Variants in ARHGAP15 observed in about 807,000 individuals in gnomAD.
ARHGAP15 encodes the protein Rho GTPase activating protein 15, also known as rho GTPase-activating protein 15.
In ARHGAP15, 51 loss-of-function variants were observed where a neutral mutation model predicts 63.7. The ratio of observed to expected loss-of-function variants is 0.80; its 90% CI spans 0.64 to 1.01. The LOEUF (loss-of-function observed/expected upper bound fraction) is 1.01, where lower values mean the gene tolerates loss of function less well. ARHGAP15 is among the 50% of genes least tolerant of loss of function. The pLI, the probability that ARHGAP15 is intolerant of heterozygous loss-of-function variation, is 0.00. For missense variants in ARHGAP15, 560 were observed against 564.6 expected (o/e 0.99, Z 0.08); for synonymous variants, 191 against 193.8 (o/e 0.99, Z 0.12).
At chr2:143,173,748 T>A (rs1242696013) in intron 2 of ARHGAP15, among the ~76,000 whole-genome samples, 1 of 152,118 alleles carries the variant, frequency 6.6e-6, no homozygotes, top group African/African-American at 2.4e-5. Context: ...ATATTATATC[T>A]TTGGTAGATT....
chr2:143,542,894 C>T (rs1574610203), intron 10 of ARHGAP15, among the ~76,000 whole-genome samples: 2 of 143,550 alleles, frequency 1.4e-5, no homozygotes, highest in East Asian at 4.0e-4. Context: ...TAATGTATAT[C>T]ATATATAATA....
At chr2:143,355,559 A>T (rs1316219108) in intron 6 of ARHGAP15, among the ~76,000 whole-genome samples, 2 of 152,196 alleles carry the variant, frequency 1.3e-5, no homozygotes, top group Non-Finnish European at 2.9e-5. Context: ...AGTTAATTAC[A>T]GTTAGCCTAA....
intron 6 of ARHGAP15, among the ~76,000 whole-genome samples, chr2:143,307,420 A>G (rs1385169098): frequency 2.6e-5 from 4 of 152,094 alleles, no homozygotes; most frequent in Non-Finnish European, 4.4e-5. Context: ...CCTCCAAACT[A>G]TTTCAACTAA....
intron 6 of ARHGAP15, among the ~76,000 whole-genome samples, chr2:143,389,160 T>C (rs895119640): frequency 6.6e-6 from 1 of 151,074 alleles, no homozygotes; most frequent in African/African-American, 2.4e-5. Context: ...ATTTTACAAA[T>C]TGTATTTAGT....
intron 11 of ARHGAP15, among the ~76,000 whole-genome samples, chr2:143,581,277 C>G (rs937541049): frequency 1.3e-5 from 2 of 151,928 alleles, no homozygotes; most frequent in Non-Finnish European, 2.9e-5. Flanking sequence ...TTACAGAGAA[C>G]TGGGCTCATT....
chr2:143,155,727 A>G, intron 2 of ARHGAP15, 72 bp downstream of exon 2: 2 of 1,429,636 alleles, frequency 1.4e-6, no homozygotes, highest in Non-Finnish European at 1.9e-6. Flanking sequence ...AAAAAAGCTA[A>G]TTAGTCTTGT....
At chr2:143,340,538 T>TA (rs1553466456) in intron 6 of ARHGAP15, among the ~76,000 whole-genome samples, 10 of 151,746 alleles carry the variant, frequency 6.6e-5, no homozygotes, top group Admixed American at 3.3e-4. Context: ...TTTTTTTTTT[T>TA]AATAAATTTT....
rs944743775 is a variant in ARHGAP15, at chr2:143,556,317, A to G, written c.926-91A>G. 4 of 958,434 alleles carry G rather than the reference A, an allele frequency of 4.2e-6. No homozygotes were observed. The African/African-American group carries it at 5.0e-5, about 12-fold the overall frequency. 59.4% of individuals were successfully genotyped at this position (958,434 alleles called of 1,614,324 possible). A position where few individuals can be genotyped will look rare whatever the true frequency, so the allele number is the denominator to read the frequency against. On this transcript the variant is annotated intron_variant, in intron 10 of 13. Transcript: ENST00000295095. ...AATTGGTTTTATCTGAGAAGAATAG[A>G]TATTTGATTTACTCCTTCTTTTCAT...
intron 1 of ARHGAP15, among the ~76,000 whole-genome samples, chr2:143,132,320 A>G (rs1688945083): frequency 6.6e-6 from 1 of 152,210 alleles, no homozygotes. Context: ...TAAGGATAGC[A>G]AAGTCAGGAA....
chr2:143,361,713 A>C (rs1686064252), intron 6 of ARHGAP15, among the ~76,000 whole-genome samples: 1 of 152,096 alleles, frequency 6.6e-6, no homozygotes, highest in African/African-American at 2.4e-5. Flanking sequence ...CCTCTTCTTT[A>C]GTTCAGGTTC....
At chr2:143,533,703 C>A (rs1006769625) in intron 10 of ARHGAP15, among the ~76,000 whole-genome samples, 1 of 152,102 alleles carries the variant, frequency 6.6e-6, no homozygotes, top group Non-Finnish European at 1.5e-5. Context: ...AGCTTGGTAC[C>A]CTCCTCCTCT....
At chr2:143,747,347 G>C (rs975575217) in intron 13 of ARHGAP15, among the ~76,000 whole-genome samples, 1 of 152,028 alleles carries the variant, frequency 6.6e-6, no homozygotes, top group Non-Finnish European at 1.5e-5. Flanking sequence ...TGTTGGTGTG[G>C]TATATTTGTT....
chr2:143,335,636 G>A (rs1684739408), intron 6 of ARHGAP15, among the ~76,000 whole-genome samples: 2 of 152,182 alleles, frequency 1.3e-5, no homozygotes. Flanking sequence ...AATAACCCAG[G>A]AAGGAAGGGC....
chr2:143,242,738 T>C (rs1693911402), intron 5 of ARHGAP15, among the ~76,000 whole-genome samples: 1 of 152,198 alleles, frequency 6.6e-6, no homozygotes, highest in Admixed American at 6.5e-5. Context: ...GTATCCTCTT[T>C]TATGTTGACA....
At chr2:143,191,873 C>A (rs954139394) in intron 2 of ARHGAP15, among the ~76,000 whole-genome samples, 1 of 152,136 alleles carries the variant, frequency 6.6e-6, no homozygotes, top group African/African-American at 2.4e-5. Flanking sequence ...AATGAAGGAC[C>A]CATCTTTTAT....
intron 13 of ARHGAP15, among the ~76,000 whole-genome samples, chr2:143,736,126 C>T (rs1685734978): frequency 6.6e-6 from 1 of 152,072 alleles, no homozygotes; most frequent in South Asian, 2.1e-4. Context: ...CGTCTGTAAT[C>T]CTAGCACTTT....
At chr2:143,459,769 C>A (rs1690837832) in intron 8 of ARHGAP15, among the ~76,000 whole-genome samples, 1 of 152,282 alleles carries the variant, frequency 6.6e-6, no homozygotes, top group East Asian at 1.9e-4. Context: ...ACCTGTCCAA[C>A]AGTGGGCCTT....
chr2:143,755,277 G>T lies in ARHGAP15; in HGVS notation c.1245-12712G>T, dbSNP rs562958425. On this transcript the variant is annotated intron_variant, in intron 13 of 13. Coordinates refer to ENST00000295095, the MANE Select transcript of ARHGAP15 (RefSeq NM_018460.4). Reference sequence around the variant, plus strand: ...CCCAATGCTTTGCCAGCATATATGGGGGGGGGGGATCTATACCAAATATCA... The same window carrying T: ...CCCAATGCTTTGCCAGCATATATGGTGGGGGGGGATCTATACCAAATATCA... Among the ~76,000 whole-genome samples the T allele has an allele frequency of 2.4e-3, 356 of 149,346 alleles. 2 individuals carry two copies. Among genetic ancestry groups the T allele is most frequent in the Non-Finnish European group, 8.3e-4 (56 of 67,364 alleles).
At chr2:143,490,031 G>A (rs1180770301) in intron 9 of ARHGAP15, among the ~76,000 whole-genome samples, 3 of 151,966 alleles carry the variant, frequency 2.0e-5, no homozygotes, top group African/African-American at 7.2e-5. Context: ...ATGGAGTCTC[G>A]CTCTGTCGCC....
Sources: allele counts gnomAD v4.1 joint callset (sites outside exome capture counted in the v4.1 genomes callset), GRCh38; gene constraint gnomAD v4.1.1; transcripts MANE v1.5; gene names NCBI Gene and HGNC (gene_info 2026-07-23, HGNC 2026-07-21).